SLC67A2: variants seen among roughly 807,000 people sequenced by gnomAD.
SLC67A2 encodes solute carrier family 67 member A2.
the SLC67A2 span, chr2:102,718,511 C>T: frequency 6.2e-7 from 1 of 1,613,922 alleles, no homozygotes; most frequent in Non-Finnish European, 8.5e-7. Context: ...TAACACAGCG[C>T]CCAGGCTGGG....
chr2:102,724,572 A>AC, the SLC67A2 span, among the ~76,000 whole-genome samples: 3 of 152,096 alleles, frequency 2.0e-5, no homozygotes, highest in East Asian at 3.9e-4. Context: ...ATGTCCCTAG[A>AC]CCCCCCACGT....
the SLC67A2 span, chr2:102,736,540 G>A: frequency 6.2e-7 from 1 of 1,606,516 alleles, no homozygotes; most frequent in Non-Finnish European, 8.5e-7. Context: ...CAGGCGGACT[G>A]CGGGTTCCCA....
At chr2:102,719,308 T>C in the SLC67A2 span, 1 of 1,192,232 alleles carries the variant, frequency 8.4e-7, no homozygotes, top group Non-Finnish European at 1.2e-6. Context: ...ATTACTAATC[T>C]ATATTTTGGT....
the SLC67A2 span, chr2:102,719,255 C>T: frequency 1.3e-6 from 2 of 1,549,876 alleles, no homozygotes; most frequent in Non-Finnish European, 1.8e-6. Context: ...TGCACTGAAT[C>T]CATACACTAC....
the SLC67A2 span, chr2:102,716,158 T>A: frequency 6.6e-6 from 1 of 152,262 alleles, no homozygotes; most frequent in Admixed American, 6.5e-5. Context: ...CATGTCTCTC[T>A]ACTCTATATT....
chr2:102,733,616 T>C, the SLC67A2 span, among the ~76,000 whole-genome samples: 1 of 152,216 alleles, frequency 6.6e-6, no homozygotes, highest in East Asian at 1.9e-4. Flanking sequence ...CCATTTCTTT[T>C]GGGCTTTGCT....
At chr2:102,718,143 C>T in the SLC67A2 span, 7 of 411,594 alleles carry the variant, frequency 1.7e-5, no homozygotes, top group South Asian at 3.1e-5. Context: ...ACCTGATTAG[C>T]CCAGGTGGGA....
chr2:102,725,038 C>A, the SLC67A2 span, among the ~76,000 whole-genome samples: 1 of 152,130 alleles, frequency 6.6e-6, no homozygotes. Flanking sequence ...ACATGAGGGA[C>A]GAAGACTGTG....
At chr2:102,732,210 T>C in the SLC67A2 span, 1 of 959,120 alleles carries the variant, frequency 1.0e-6, no homozygotes, top group Non-Finnish European at 1.7e-6. Context: ...TTTATCTCAT[T>C]TCCCACTTAC....
the SLC67A2 span, among the ~76,000 whole-genome samples, chr2:102,721,644 G>A: frequency 6.6e-6 from 1 of 151,198 alleles, no homozygotes; most frequent in Non-Finnish European, 1.5e-5. Flanking sequence ...CTGCATCCAA[G>A]GAGCTCATAG....
the SLC67A2 span, chr2:102,726,713 T>C: frequency 7.4e-7 from 1 of 1,348,586 alleles, no homozygotes; most frequent in Non-Finnish European, 1.0e-6. Flanking sequence ...GGCTCCCTTC[T>C]GAACACTCTT....
chr2:102,720,925 T>C, the SLC67A2 span, among the ~76,000 whole-genome samples: 1 of 152,230 alleles, frequency 6.6e-6, no homozygotes, highest in Non-Finnish European at 1.5e-5. Flanking sequence ...ATATGTTCAC[T>C]GCACTGAATG....
chr2:102,735,844 G>GCA, the SLC67A2 span, among the ~76,000 whole-genome samples: 39 of 80,404 alleles, frequency 4.9e-4, no homozygotes, highest in African/African-American at 1.2e-3. Context: ...ACACGCGCGC[G>GCA]CGCACACACA....
At chr2:102,723,950 A>C in the SLC67A2 span, 1 of 1,512,602 alleles carries the variant, frequency 6.6e-7, no homozygotes, top group Non-Finnish European at 9.2e-7. Context: ...CTTTTTCCAG[A>C]CCATAAGTAT....
chr2:102,726,970 C>G, the SLC67A2 span: 1 of 1,613,442 alleles, frequency 6.2e-7, no homozygotes, highest in Non-Finnish European at 8.5e-7. Context: ...ATCGCTCCAG[C>G]AGCCCTGAGG....
the SLC67A2 span, chr2:102,736,671 A>C: frequency 6.2e-7 from 1 of 1,613,800 alleles, no homozygotes; most frequent in Non-Finnish European, 8.5e-7. Context: ...GTAGAGACAG[A>C]GCAGGAAGCG....
the SLC67A2 span, chr2:102,723,922 G>A: frequency 3.7e-6 from 6 of 1,605,970 alleles, no homozygotes; most frequent in Non-Finnish European, 5.1e-6. Context: ...GCAAGGGGAT[G>A]AGAAACATGC....
the SLC67A2 span, among the ~76,000 whole-genome samples, chr2:102,734,197 T>C: frequency 6.6e-6 from 1 of 152,330 alleles, no homozygotes; most frequent in Non-Finnish European, 1.5e-5. Flanking sequence ...GTTTCAAGAC[T>C]CTTTTCAGGG....
At chr2:102,736,530 C>T in the SLC67A2 span, 1 of 1,601,650 alleles carries the variant, frequency 6.2e-7, no homozygotes, top group African/African-American at 1.3e-5. Flanking sequence ...AGGCACTCAC[C>T]AGGCGGACTG....
Sources: allele counts gnomAD v4.1 joint callset (sites outside exome capture counted in the v4.1 genomes callset), GRCh38; gene constraint gnomAD v4.1.1; transcripts MANE v1.5; gene names NCBI Gene and HGNC (gene_info 2026-07-23, HGNC 2026-07-21).